The following PDCD1LG2 variants were observed in gnomAD, a reference collection of about 807,000 sequenced individuals.
PDCD1LG2 encodes the protein programmed cell death 1 ligand 2.
A neutral mutation model predicts 28.2 loss-of-function variants in PDCD1LG2; 32 were observed. That is an observed-to-expected ratio of 1.13 (90% confidence interval 0.86 to 1.52). PDCD1LG2 has a LOEUF of 1.52. Among genes scored for constraint, PDCD1LG2 ranks in the 40% most tolerant of loss-of-function variants. The probability of loss-of-function intolerance (pLI) is 0.00; values close to 1 mark genes in which losing one functional copy is unlikely to be tolerated. For synonymous variants in PDCD1LG2, 116 were observed against 120.2 expected (o/e 0.97, Z 0.23); for missense variants, 385 against 323.8 (o/e 1.19, Z -1.45).
chr9:5,526,954 G>T (rs1425408931), intron 2 of PDCD1LG2, among the ~76,000 whole-genome samples: 1 of 151,612 alleles, frequency 6.6e-6, no homozygotes, highest in Non-Finnish European at 1.5e-5. Context: ...CTAGATTAAT[G>T]CTTGAAAAAA....
At chr9:5,529,204 A>G (rs1044972807) in intron 2 of PDCD1LG2, among the ~76,000 whole-genome samples, 1 of 152,218 alleles carries the variant, frequency 6.6e-6, no homozygotes, top group African/African-American at 2.4e-5. Context: ...TGCTTTTGGT[A>G]TCATATCCAA....
chr9:5,562,676 G>C (rs994181279), intron 5 of PDCD1LG2, among the ~76,000 whole-genome samples: 1 of 152,128 alleles, frequency 6.6e-6, no homozygotes, highest in Non-Finnish European at 1.5e-5. Flanking sequence ...GTGAAATCAA[G>C]GAAACTTACT....
chr9:5,546,020 T>C (rs1011005618), intron 3 of PDCD1LG2, among the ~76,000 whole-genome samples: 1 of 152,146 alleles, frequency 6.6e-6, no homozygotes, highest in African/African-American at 2.4e-5. Context: ...CGATTCCTTT[T>C]CCACCACCTT....
At chr9:5,528,404 C>A (rs915870894) in intron 2 of PDCD1LG2, among the ~76,000 whole-genome samples, 2 of 151,486 alleles carry the variant, frequency 1.3e-5, no homozygotes, top group Non-Finnish European at 2.9e-5. Context: ...CAGGCTCAAG[C>A]GATTCTCCCA....
At chr9:5,535,470 A>G (rs1820562677) in intron 3 of PDCD1LG2, among the ~76,000 whole-genome samples, 1 of 152,206 alleles carries the variant, frequency 6.6e-6, no homozygotes, top group Admixed American at 6.5e-5. Context: ...TAAAATATCA[A>G]TTTAGTGAGT....
At chr9:5,553,684 T>C (rs1816381850) in intron 4 of PDCD1LG2, among the ~76,000 whole-genome samples, 2 of 152,188 alleles carry the variant, frequency 1.3e-5, no homozygotes, top group South Asian at 2.1e-4. Flanking sequence ...GAAGCCAACA[T>C]GGCTTACTAA....
Position 5,569,585 on chromosome 9 carries a change from T to A in PDCD1LG2, c.817-369T>A, listed in dbSNP as rs1170700321. Among the ~76,000 whole-genome samples, 1 of 152,160 alleles carries A rather than the reference T, an allele frequency of 6.6e-6. No homozygotes were observed. The highest frequency in any genetic ancestry group is 2.4e-5 in the African/African-American group (1 of 41,416). On this transcript the variant is annotated intron_variant, in intron 6 of 6. Coordinates refer to ENST00000397747, the MANE Select transcript of PDCD1LG2 (RefSeq NM_025239.4). This position sits in a 1 kb window ranked among gnomAD's most constrained non-coding sequence, Gnocchi z 4.1. ...CAATGTCATCATCCTGGAGCATGAA[T>A]AGAGTGCAGCAGGGTGAATAATGAG...
chr9:5,547,138 T>C (rs1021895251), intron 3 of PDCD1LG2, among the ~76,000 whole-genome samples: 22 of 152,150 alleles, frequency 1.4e-4, no homozygotes, highest in African/African-American at 5.3e-4. Context: ...TAGAAAACAA[T>C]AAGTAAATCA....
At chr9:5,562,179 T>G (rs911490625) in intron 5 of PDCD1LG2, among the ~76,000 whole-genome samples, 9 of 152,170 alleles carry the variant, frequency 5.9e-5, no homozygotes, top group African/African-American at 2.2e-4. Flanking sequence ...ATATGTGAAA[T>G]CAGAGGTTAA....
chr9:5,539,719 C>A (rs1358316270), intron 3 of PDCD1LG2, among the ~76,000 whole-genome samples: 1 of 152,092 alleles, frequency 6.6e-6, no homozygotes, highest in East Asian at 1.9e-4. Flanking sequence ...GCAAAGGTTT[C>A]CAGACAGGGT....
chr9:5,557,962 A>C lies in PDCD1LG2; in HGVS notation c.766+210A>C, dbSNP rs139157848. 3.0e-3 allele frequency among the ~76,000 whole-genome samples: 462 copies of C among 152,274 alleles called. 6 individuals carry two copies. The highest frequency in any genetic ancestry group is 0.01 in the African/African-American group (420 of 41,550). On this transcript the variant is annotated intron_variant, in intron 5 of 6. Transcript: ENST00000397747. ...TGAACTTCTTACACTGAGTTTTTTA[A>C]AGGGAATGTTTTGTTCTTATGTCTG...
chr9:5,570,059 C>G lies in PDCD1LG2; in HGVS notation c.*100C>G, dbSNP rs2129976529. Reference sequence around the variant, plus strand: ...TGGCCTGCAGAGCTTGCCATTTGCACTTTTCAAATGCCTTTGGATGACCCA... The same window carrying G: ...TGGCCTGCAGAGCTTGCCATTTGCAGTTTTCAAATGCCTTTGGATGACCCA... On this transcript the variant is annotated 3_prime_UTR_variant, in exon 7 of 7. Coordinates refer to ENST00000397747, the MANE Select transcript of PDCD1LG2 (RefSeq NM_025239.4). The G allele has an allele frequency of 2.1e-6, 3 of 1,437,032 alleles. No homozygotes were observed. Among genetic ancestry groups the G allele is most frequent in the Non-Finnish European group, 2.9e-6 (3 of 1,023,744 alleles). The allele number at this position is 1,437,032 out of a possible 1,614,324, so 89.0% of individuals were successfully genotyped here.
chr9:5,531,417 ATCT>A (rs1820481991), intron 2 of PDCD1LG2, among the ~76,000 whole-genome samples: 1 of 152,224 alleles, frequency 6.6e-6, no homozygotes, highest in African/African-American at 2.4e-5. Context: ...GTAACAATTA[ATCT>A]TCTAGGTATT....
chr9:5,570,523 G>C lies in PDCD1LG2; in HGVS notation c.*564G>C. On this transcript the variant is annotated 3_prime_UTR_variant, in exon 7 of 7. Transcript: ENST00000397747. ...CATAATGAAGTTGTTCTAATTAACA[G>C]AGAGCATTTAAATATACACTAAGTG... is the stretch of plus-strand genomic sequence containing the variant. 1 of 233,262 alleles carries C rather than the reference G, an allele frequency of 4.3e-6. No individual in the cohort carries two copies. The highest frequency in any genetic ancestry group is 8.5e-6 in the Non-Finnish European group (1 of 118,108). 14.4% of individuals were successfully genotyped at this position (233,262 alleles called of 1,614,324 possible). A position where few individuals can be genotyped will look rare whatever the true frequency, so the allele number is the denominator to read the frequency against.
intron 4 of PDCD1LG2, among the ~76,000 whole-genome samples, chr9:5,556,801 C>T (rs1816451261): frequency 6.6e-6 from 1 of 152,178 alleles, no homozygotes; most frequent in African/African-American, 2.4e-5. Context: ...CCTTTCATTT[C>T]CCTGTAGGTG....
intron 3 of PDCD1LG2, among the ~76,000 whole-genome samples, chr9:5,539,213 G>A (rs934873165): frequency 3.3e-5 from 5 of 152,168 alleles, no homozygotes; most frequent in South Asian, 2.1e-4. Flanking sequence ...AACTTAATAG[G>A]TGAGAAGAGC....
chr9:5,512,090 T>C (rs1354417935), intron 1 of PDCD1LG2, among the ~76,000 whole-genome samples: 1 of 152,248 alleles, frequency 6.6e-6, no homozygotes, highest in African/African-American at 2.4e-5. Flanking sequence ...TGGGTCATGC[T>C]TCAGAGTTTA....
chr9:5,550,543 G>C (rs1816308525), intron 4 of PDCD1LG2, among the ~76,000 whole-genome samples: 1 of 152,176 alleles, frequency 6.6e-6, no homozygotes, highest in South Asian at 2.1e-4. Flanking sequence ...GTGTCAGCAG[G>C]ATTGCAGAGG....
chr9:5,560,540 C>T (rs189887272), intron 5 of PDCD1LG2, among the ~76,000 whole-genome samples: 12 of 152,330 alleles, frequency 7.9e-5, no homozygotes, highest in Admixed American at 5.2e-4. Flanking sequence ...GGTCCCAAAG[C>T]AGGACCCCTA....
Sources: allele counts gnomAD v4.1 joint callset (sites outside exome capture counted in the v4.1 genomes callset), GRCh38; gene constraint gnomAD v4.1.1; non-coding constraint Gnocchi (gnomAD v3.1); transcripts MANE v1.5; gene names NCBI Gene and HGNC (gene_info 2026-07-23, HGNC 2026-07-21).